PCSK2: variants seen among roughly 807,000 people sequenced by gnomAD.
PCSK2 encodes neuroendocrine convertase 2.
A neutral mutation model predicts 69.7 loss-of-function variants in PCSK2; 14 were observed. That is an observed-to-expected ratio of 0.20 (90% CI 0.13 to 0.31). PCSK2 has a LOEUF of 0.31. Ranked by LOEUF, PCSK2 falls within the 10% of genes least tolerant of loss-of-function variation. The pLI, the probability that PCSK2 is intolerant of heterozygous loss-of-function variation, is 1.00. For synonymous variants in PCSK2, 307 were observed against 320.7 expected (o/e 0.96, Z 0.46); for missense variants, 544 against 842.5 (o/e 0.65, Z 4.39).
At chr20:17,367,087 A>G (rs2030616494) in intron 4 of PCSK2, among the ~76,000 whole-genome samples, 1 of 151,484 alleles carries the variant, frequency 6.6e-6, no homozygotes, top group African/African-American at 2.4e-5. Flanking sequence ...TATATTTTAA[A>G]ATATAAATAT....
chr20:17,350,638 A>G (rs1298794431), intron 2 of PCSK2, among the ~76,000 whole-genome samples: 1 of 152,226 alleles, frequency 6.6e-6, no homozygotes, highest in Non-Finnish European at 1.5e-5. Flanking sequence ...TCGAAAGTTC[A>G]TAGCATTGAG....
chr20:17,460,587 G>A (rs1355447120), intron 10 of PCSK2, among the ~76,000 whole-genome samples: 1 of 152,158 alleles, frequency 6.6e-6, no homozygotes, highest in Non-Finnish European at 1.5e-5. Context: ...TCAACAAAAG[G>A]TAGCAAGTTA....
intron 2 of PCSK2, among the ~76,000 whole-genome samples, chr20:17,347,964 A>AAG (rs1600511015): frequency 4.4e-5 from 1 of 22,934 alleles, no homozygotes; most frequent in East Asian, 5.2e-3. Flanking sequence ...AAGAAAGAGA[A>AAG]AGAAAGAAAG....
At chr20:17,228,198 G>C (rs1363755837) in intron 1 of PCSK2, 1 of 152,294 alleles carries the variant, frequency 6.6e-6, no homozygotes, top group Non-Finnish European at 1.5e-5. Flanking sequence ...CGGAGAAGTC[G>C]AGGTGTCCTC....
rs1453969797 is a variant in PCSK2, at chr20:17,483,531, T to C, written c.*1461T>C. On this transcript the variant is annotated 3_prime_UTR_variant, in exon 12 of 12. Coordinates refer to ENST00000262545, the MANE Select transcript of PCSK2 (RefSeq NM_002594.5). ...TCAGCCTCTCCAGGCACCATCTCCCTTCCTGTGGGAGCAGAGAGCTTAGCC... is the reference window on the plus strand; with the variant it reads ...TCAGCCTCTCCAGGCACCATCTCCCCTCCTGTGGGAGCAGAGAGCTTAGCC... The C allele has an allele frequency of 6.6e-6, 1 of 152,198 alleles. No individual in the cohort carries two copies. The highest frequency in any genetic ancestry group is 1.5e-5 in the Non-Finnish European group (1 of 68,052). The allele number at this position is 152,198 out of a possible 1,614,324, so 9.4% of individuals were successfully genotyped here.
intron 2 of PCSK2, among the ~76,000 whole-genome samples, chr20:17,312,353 T>G (rs1425464074): frequency 6.6e-6 from 1 of 152,174 alleles, no homozygotes; most frequent in Non-Finnish European, 1.5e-5. Context: ...CACTCTTCTC[T>G]TTTGAGGGCC....
intron 1 of PCSK2, among the ~76,000 whole-genome samples, chr20:17,232,790 GA>G (rs1264429413): frequency 2.0e-5 from 3 of 151,960 alleles, no homozygotes; most frequent in African/African-American, 7.2e-5. Flanking sequence ...ATATTTGGAG[GA>G]AAAAAATAAA....
intron 1 of PCSK2, among the ~76,000 whole-genome samples, chr20:17,259,762 G>A (rs1447672660): frequency 6.6e-6 from 1 of 152,090 alleles, no homozygotes; most frequent in East Asian, 1.9e-4. Context: ...GGCACCAAGG[G>A]TTCACAGAAA....
chr20:17,313,688 G>C (rs939334531), intron 2 of PCSK2, among the ~76,000 whole-genome samples: 1 of 152,118 alleles, frequency 6.6e-6, no homozygotes, highest in Non-Finnish European at 1.5e-5. Flanking sequence ...GGGTCACTGC[G>C]GGGTGATTCA....
At chr20:17,355,511 C>T (rs115790568) in intron 2 of PCSK2, among the ~76,000 whole-genome samples, 1 of 152,268 alleles carries the variant, frequency 6.6e-6, no homozygotes, top group African/African-American at 2.4e-5. Flanking sequence ...TTCCCAAGTG[C>T]AAGAGGCACT....
intron 1 of PCSK2, among the ~76,000 whole-genome samples, chr20:17,246,145 G>A (rs866926492): frequency 3.3e-5 from 5 of 152,132 alleles, no homozygotes; most frequent in African/African-American, 7.2e-5. Flanking sequence ...CAGGCATTCC[G>A]AGGACTGTGT....
intron 5 of PCSK2, among the ~76,000 whole-genome samples, chr20:17,408,401 A>G (rs2031798162): frequency 6.6e-6 from 1 of 152,206 alleles, no homozygotes; most frequent in African/African-American, 2.4e-5. Context: ...TTAAAGAAAA[A>G]AAAAACCCAC....
intron 2 of PCSK2, chr20:17,263,161 T>C (rs988130207): frequency 8.1e-6 from 8 of 982,970 alleles, no homozygotes; most frequent in East Asian, 1.1e-4. Flanking sequence ...CCCAAGGTAC[T>C]TTTTGGCTTT....
intron 1 of PCSK2, among the ~76,000 whole-genome samples, chr20:17,233,812 G>A (rs527285778): frequency 1.6e-4 from 24 of 152,122 alleles, no homozygotes; most frequent in Non-Finnish European, 2.2e-4. Context: ...GTAAATAAGC[G>A]TGATCATGTG....
At chr20:17,335,125 G>T (rs1037721283) in intron 2 of PCSK2, among the ~76,000 whole-genome samples, 1 of 152,198 alleles carries the variant, frequency 6.6e-6, no homozygotes, top group Non-Finnish European at 1.5e-5. Flanking sequence ...TGTGGTTCAG[G>T]AATTTGGGAA....
At chr20:17,396,763 C>T (rs565922596) in intron 5 of PCSK2, among the ~76,000 whole-genome samples, 1 of 152,064 alleles carries the variant, frequency 6.6e-6, no homozygotes, top group African/African-American at 2.4e-5. Flanking sequence ...ACTACAGGTG[C>T]GTACCACCAT....
intron 2 of PCSK2, among the ~76,000 whole-genome samples, chr20:17,268,057 AT>A (rs1987699554): frequency 7.3e-6 from 1 of 137,750 alleles, no homozygotes; most frequent in African/African-American, 2.7e-5. Context: ...ATATATATAT[AT>A]ATATAATGCA....
Position 17,481,878 on chromosome 20 carries a change from C to T in PCSK2, c.1725C>T (p.Val575=), listed in dbSNP as rs139585816. The change falls in exon 12 of 12, where the codon GTC becomes GTT. Residue 575 remains valine (V), a synonymous_variant. Coordinates refer to ENST00000262545, the MANE Select transcript of PCSK2 (RefSeq NM_002594.5). ...CCTGGACCCTGGAGCTGGGATTTGT[C>T]GGCAGCGCCCCGCAGAAGGGGGTGC... ...RGTWTLELGF[V]GSAPQKGVLK... is the part of the protein sequence containing the mutation. 31 of 1,614,020 alleles carry T rather than the reference C, an allele frequency of 1.9e-5. No individual in the cohort carries two copies. In the East Asian group the frequency reaches 5.1e-4, roughly 27 times the overall value.
At chr20:17,354,810 T>C (rs1306282542) in intron 2 of PCSK2, among the ~76,000 whole-genome samples, 1 of 152,202 alleles carries the variant, frequency 6.6e-6, no homozygotes, top group African/African-American at 2.4e-5. Flanking sequence ...ATTACTACTC[T>C]TTAAAAATTA....
Sources: gnomAD v4.1 joint callset for allele counts (sites outside exome capture counted in the v4.1 genomes callset) on GRCh38, gnomAD v4.1.1 for gene constraint, MANE v1.5 for transcripts, NCBI Gene and HGNC (gene_info 2026-07-23, HGNC 2026-07-21) for gene names.